LTA4H: variants seen among roughly 807,000 people sequenced by gnomAD.
LTA4H encodes the protein leukotriene A4 hydrolase, also known as leukotriene A-4 hydrolase.
Under a neutral mutation model 89.8 loss-of-function variants are expected in LTA4H, and 59 were observed. The observed-to-expected ratio is 0.66, with a 90% CI of 0.53 to 0.82. The LOEUF (loss-of-function observed/expected upper bound fraction) is 0.82, where lower values mean the gene tolerates loss of function less well. LTA4H is among the 40% of genes least tolerant of loss of function. LTA4H has a pLI of 0.00. For synonymous variants in LTA4H, 227 were observed against 253.1 expected (o/e 0.90, Z 0.98); for missense variants, 617 against 727.0 (o/e 0.85, Z 1.74).
At chr12:96,026,582 G>T (rs1015486488) in intron 3 of LTA4H, among the ~76,000 whole-genome samples, 1 of 152,094 alleles carries the variant, frequency 6.6e-6, no homozygotes, top group Non-Finnish European at 1.5e-5. Context: ...TAAACTGAGG[G>T]TTTCTTAGAT....
Position 96,000,916 on chromosome 12 carries a change from G to A in LTA4H, c.*73C>T, listed in dbSNP as rs888204570. 5 of 1,071,780 alleles carry A rather than the reference G, an allele frequency of 4.7e-6. No individual in the cohort carries two copies. The Admixed American group carries it at 5.5e-5, about 12-fold the overall frequency. 66.4% of individuals were successfully genotyped at this position (1,071,780 alleles called of 1,614,324 possible). The stretch of plus-strand genomic sequence containing the variant: ...ACTAAAAAGACAGTTTTAATTGTGA[G>A]CTGAAGTTTTATATTTCTTTACGAA... On this transcript the variant is annotated 3_prime_UTR_variant, in exon 19 of 19. Transcript: ENST00000228740.
At position 96,021,156 on chromosome 12, in the gene LTA4H, C is replaced by T. The variant is rs774301824; in HGVS notation, c.586-19G>A. 17 of 1,574,148 alleles carry T rather than the reference C, an allele frequency of 1.1e-5. No homozygotes were observed. The East Asian group carries it at 2.5e-4, about 24-fold the overall frequency. On this transcript the variant is annotated intron_variant, in intron 5 of 18. Transcript: ENST00000228740. ...TTGGAACCTAAAGAGGGCAAACAAACGCACACCACGTGCTTGCATTAGTGT... is the reference window on the plus strand; with the variant it reads ...TTGGAACCTAAAGAGGGCAAACAAATGCACACCACGTGCTTGCATTAGTGT...
chr12:96,029,243 T>C (rs865977122), intron 1 of LTA4H, 58 bp from the exon 2 acceptor site: 52 of 975,708 alleles, frequency 5.3e-5, no homozygotes, highest in Middle Eastern at 3.3e-4. Context: ...AAAAAACTCA[T>C]ATTAGATATA....
chr12:96,010,845 CT>C (rs1950290283), intron 14 of LTA4H: 1 of 152,138 alleles, frequency 6.6e-6, no homozygotes, highest in Non-Finnish European at 1.5e-5. Flanking sequence ...TGATACTGAA[CT>C]TGGACAGTGG....
chr12:96,003,405 G>GT (rs1415503348), intron 17 of LTA4H, among the ~76,000 whole-genome samples: 1 of 152,046 alleles, frequency 6.6e-6, no homozygotes, highest in East Asian at 1.9e-4. Flanking sequence ...GAAAGATCAG[G>GT]TAGGTGCTCA....
At chr12:96,006,760 G>C (rs902303100) in intron 15 of LTA4H, among the ~76,000 whole-genome samples, 11 of 151,966 alleles carry the variant, frequency 7.2e-5, no homozygotes, top group Admixed American at 5.9e-4. Flanking sequence ...AATTCAAAAA[G>C]GTAAAGAATG....
At chr12:96,002,900 T>C (rs1950128880) in intron 18 of LTA4H, 60 bp downstream of exon 18, 1 of 1,108,588 alleles carries the variant, frequency 9.0e-7, no homozygotes, top group Admixed American at 2.2e-5. Flanking sequence ...GTTTAAATAT[T>C]TGACAGTTTT....
intron 18 of LTA4H, 35 bp downstream of exon 18, chr12:96,002,925 G>C (rs1487488720): frequency 7.3e-7 from 1 of 1,362,352 alleles, no homozygotes; most frequent in South Asian, 1.3e-5. Flanking sequence ...CTGTTTCTTA[G>C]ATGAATTCAA....
At chr12:96,009,266 C>T in intron 14 of LTA4H, 118 bp from the exon 15 acceptor site, 1 of 671,924 alleles carries the variant, frequency 1.5e-6, no homozygotes, top group East Asian at 2.7e-5. Flanking sequence ...AAACAAACTC[C>T]AAAGTGAGGA....
chr12:96,023,413 G>A (rs1310269737), intron 4 of LTA4H, among the ~76,000 whole-genome samples: 2 of 152,004 alleles, frequency 1.3e-5, no homozygotes, highest in African/African-American at 2.4e-5. Context: ...ATGGGGTCTC[G>A]CTATGTCGCC....
rs1263645525 is a variant in LTA4H, at chr12:96,000,783, A to C, written c.*206T>G. 5.1e-6 allele frequency: 2 copies of C among 391,396 alleles called. No homozygotes were observed. Among genetic ancestry groups the C allele is most frequent in the Admixed American group, 4.0e-5 (1 of 25,100 alleles). 24.2% of individuals were successfully genotyped at this position (391,396 alleles called of 1,614,324 possible). A position where few individuals can be genotyped will look rare whatever the true frequency, so the allele number is the denominator to read the frequency against. On this transcript the variant is annotated 3_prime_UTR_variant, in exon 19 of 19. Coordinates refer to ENST00000228740, the MANE Select transcript of LTA4H (RefSeq NM_000895.3). The stretch of plus-strand genomic sequence containing the variant: ...CTAATTCAAAATTTTTTAATTTGTA[A>C]ATCAAAAGATTAAACCTTGTTAAAA...
chr12:96,012,317 C>T (rs1950313323), intron 14 of LTA4H: 1 of 152,220 alleles, frequency 6.6e-6, no homozygotes, highest in Non-Finnish European at 1.5e-5. Flanking sequence ...AGAAAGGCAA[C>T]AAGAGAACAT....
chr12:96,002,712 T>C (rs1950124721), intron 18 of LTA4H, among the ~76,000 whole-genome samples: 1 of 152,220 alleles, frequency 6.6e-6, no homozygotes, highest in South Asian at 2.1e-4. Flanking sequence ...TATCTTTGAT[T>C]TATTTCTATT....
chr12:96,043,148 C>A, intron 1 of LTA4H: 1 of 621,590 alleles, frequency 1.6e-6, no homozygotes, highest in South Asian at 1.9e-5. Flanking sequence ...CCACATTCTG[C>A]CTAGAAAACT....
intron 12 of LTA4H, 108 bp from the exon 13 acceptor site, chr12:96,013,961 G>T (rs562190996): frequency 3.4e-6 from 2 of 580,108 alleles, no homozygotes; most frequent in South Asian, 4.7e-5. Context: ...AGAACATTCA[G>T]AGAATAGGGA....
upstream of LTA4H, among the ~76,000 whole-genome samples, chr12:96,039,374 CT>C (rs1950671612): frequency 6.6e-6 from 1 of 152,124 alleles, no homozygotes; most frequent in African/African-American, 2.4e-5. Flanking sequence ...AATTCCAGCC[CT>C]GCTATTCACC....
chr12:96,040,284 A>G (rs149812761), upstream of LTA4H, among the ~76,000 whole-genome samples: 534 of 152,340 alleles, frequency 3.5e-3, 3 homozygotes, highest in South Asian at 0.031. Context: ...ACACTCCTCA[A>G]TAATCTGCCT....
chr12:96,025,030 T>C (rs1342777498), intron 3 of LTA4H, among the ~76,000 whole-genome samples: 1 of 152,226 alleles, frequency 6.6e-6, no homozygotes, highest in African/African-American at 2.4e-5. Flanking sequence ...ATTTTCCATT[T>C]TAATCTATGG....
chr12:96,039,147 A>C (rs538625887), upstream of LTA4H, among the ~76,000 whole-genome samples: 42 of 152,198 alleles, frequency 2.8e-4, no homozygotes, highest in Admixed American at 2.2e-3. Context: ...CACTTTGGGA[A>C]GCTGAGGCAA....
Sources: gnomAD v4.1 joint callset for allele counts (sites outside exome capture counted in the v4.1 genomes callset) on GRCh38, gnomAD v4.1.1 for gene constraint, MANE v1.5 for transcripts, NCBI Gene and HGNC (gene_info 2026-07-23, HGNC 2026-07-21) for gene names.